Variants in PCDHGB4 observed in about 807,000 individuals in gnomAD.
The protein encoded by PCDHGB4 is protocadherin gamma subfamily B, 4.
In PCDHGB4, 38 loss-of-function variants were observed where a neutral mutation model predicts 60.5. The observed-to-expected ratio is 0.63, with a 90% CI of 0.48 to 0.82. PCDHGB4 has a LOEUF of 0.82. Ranked by LOEUF, PCDHGB4 falls within the 40% of genes least tolerant of loss-of-function variation. The pLI is 0.00. For missense variants in PCDHGB4, 1,109 were observed against 1,209.6 expected (o/e 0.92, Z 1.23); for synonymous variants, 456 against 509.7 (o/e 0.89, Z 1.42).
intron 1 of PCDHGB4, among the ~76,000 whole-genome samples, chr5:141,482,944 G>A (rs1362136222): frequency 6.6e-6 from 1 of 152,094 alleles, no homozygotes; most frequent in Non-Finnish European, 1.5e-5. Context: ...GTGGTTGTGG[G>A]TGCCTGTAAT....
At chr5:141,419,901 C>A (rs2096446114) in intron 1 of PCDHGB4, 5 of 1,614,108 alleles carry the variant, frequency 3.1e-6, no homozygotes, top group Non-Finnish European at 4.2e-6. Flanking sequence ...CATCCCACAC[C>A]CTCTGACTCC....
At chr5:141,433,045 C>T (rs1183696623) in intron 1 of PCDHGB4, 1 of 1,614,196 alleles carries the variant, frequency 6.2e-7, no homozygotes, top group South Asian at 1.1e-5. Flanking sequence ...TCACCACGGA[C>T]TCGCGGAAGA....
At chr5:141,395,032 T>C (rs1561652708) in intron 1 of PCDHGB4, 1 of 1,614,068 alleles carries the variant, frequency 6.2e-7, no homozygotes. Context: ...GCCTCACATT[T>C]TGTGGGTGTT....
intron 1 of PCDHGB4, among the ~76,000 whole-genome samples, chr5:141,397,772 A>G (rs1352118170): frequency 6.6e-6 from 1 of 152,238 alleles, no homozygotes; most frequent in Non-Finnish European, 1.5e-5. Context: ...TATTAAGTAT[A>G]TGGACGTAAA....
Position 141,418,795 on chromosome 5 carries a change from A to G in PCDHGB4, c.2397+28514A>G, listed in dbSNP as rs373690093. The G allele has an allele frequency of 6.8e-6, 11 of 1,613,740 alleles. No homozygotes were observed. The African/African-American group carries it at 1.5e-4, about 22-fold the overall frequency. On this transcript the variant is annotated intron_variant, in intron 1 of 3. Transcript: ENST00000519479. Reference sequence around the variant, plus strand: ...AGCAGCCTTTGGATTTTGAAGAAGTAGAAAGATATACGATAAACATAGAAG... The same window carrying G: ...AGCAGCCTTTGGATTTTGAAGAAGTGGAAAGATATACGATAAACATAGAAG...
At chr5:141,394,875 A>G in intron 1 of PCDHGB4, 3 of 1,613,722 alleles carry the variant, frequency 1.9e-6, no homozygotes, top group Non-Finnish European at 8.5e-7. Flanking sequence ...GAACGATTCG[A>G]GCCTTACACT....
intron 1 of PCDHGB4, among the ~76,000 whole-genome samples, chr5:141,447,450 C>G (rs540357899): frequency 1.3e-5 from 2 of 152,082 alleles, no homozygotes; most frequent in African/African-American, 2.4e-5. Context: ...AATTTTTAAC[C>G]TCAGTTTTTC....
intron 1 of PCDHGB4, chr5:141,478,167 G>A: frequency 6.2e-7 from 1 of 1,613,772 alleles, no homozygotes; most frequent in Non-Finnish European, 8.5e-7. Context: ...TCTGCCCCCC[G>A]GGAGCAGAAA....
intron 1 of PCDHGB4, among the ~76,000 whole-genome samples, chr5:141,406,607 C>T (rs1289606470): frequency 6.6e-6 from 1 of 152,202 alleles, no homozygotes; most frequent in Non-Finnish European, 1.5e-5. Flanking sequence ...AAAGTTGTCA[C>T]ATCTTTTATT....
Position 141,432,479 on chromosome 5 carries a change from G to A in PCDHGB4, c.2397+42198G>A, listed in dbSNP as rs771261875. ...CGCCCTCCCCACGGACGGTTCCACT[G>A]GCGTGGAGCTGGCTCCCCGCTCCGC... On this transcript the variant is annotated intron_variant, in intron 1 of 3. Transcript: ENST00000519479. The surrounding 1 kb of genome is among the most constrained non-coding windows in gnomAD (Gnocchi z 6.0). The A allele has an allele frequency of 3.8e-5, 62 of 1,614,076 alleles. No individual in the cohort carries two copies. Among genetic ancestry groups the A allele is most frequent in the Non-Finnish European group, 4.9e-5 (58 of 1,180,052 alleles).
chr5:141,399,699 C>A lies in PCDHGB4; in HGVS notation c.2397+9418C>A, dbSNP rs555724833. ...TTGACTACGAGCAGCTGCGCACCTT[C>A]GAACTCACACTACAGGCCCGCGACC... On this transcript the variant is annotated intron_variant, in intron 1 of 3. Coordinates refer to ENST00000519479, the MANE Select transcript of PCDHGB4 (RefSeq NM_003736.4). The A allele has an allele frequency of 1.9e-6, 3 of 1,613,476 alleles. No homozygotes were observed. In the East Asian group the frequency reaches 6.7e-5, roughly 36 times the overall value.
chr5:141,495,032 G>T, intron 2 of PCDHGB4, 167 bp downstream of exon 2: 1 of 967,732 alleles, frequency 1.0e-6, no homozygotes, highest in Non-Finnish European at 1.2e-6. Flanking sequence ...GACCCCGGAA[G>T]GAAGAGGCGA....
chr5:141,509,516 T>C (rs2099877144), intron 3 of PCDHGB4, among the ~76,000 whole-genome samples: 1 of 152,130 alleles, frequency 6.6e-6, no homozygotes, highest in Non-Finnish European at 1.5e-5. Context: ...GTGTTGATGA[T>C]GTATTGCACA....
chr5:141,503,372 G>A (rs1275544964), intron 2 of PCDHGB4, among the ~76,000 whole-genome samples: 1 of 151,968 alleles, frequency 6.6e-6, no homozygotes, highest in Non-Finnish European at 1.5e-5. Context: ...GGAGGCAGGT[G>A]GATCATGAGG....
At chr5:141,413,102 G>A in intron 1 of PCDHGB4, 1 of 1,480,778 alleles carries the variant, frequency 6.8e-7, no homozygotes, top group Non-Finnish European at 9.1e-7. Context: ...TGAAGCCACA[G>A]AAAGACAAAG....
intron 1 of PCDHGB4, chr5:141,479,209 A>T (rs1314929824): frequency 6.6e-6 from 1 of 152,432 alleles, no homozygotes; most frequent in African/African-American, 2.4e-5. Context: ...AAAAGTATTT[A>T]AAAAATTAAA....
intron 1 of PCDHGB4, chr5:141,394,137 G>A (rs1406338034): frequency 6.2e-6 from 10 of 1,613,902 alleles, no homozygotes; most frequent in East Asian, 2.2e-5. Context: ...CGCTCTGCAC[G>A]TGGCAGACAT....
At position 141,477,795 on chromosome 5, in the gene PCDHGB4, G is replaced by T. The variant is rs778851755; in HGVS notation, c.2398-17012G>T. The T allele has an allele frequency of 1.2e-5, 19 of 1,613,946 alleles. 1 individual carries two copies. In the South Asian group the frequency reaches 1.6e-4, roughly 14 times the overall value. On this transcript the variant is annotated intron_variant, in intron 1 of 3. Transcript: ENST00000519479. The surrounding 1 kb of genome is among the most constrained non-coding windows in gnomAD (Gnocchi z 4.9). ...AGCGTGAACATATTTGTCACTGATC[G>T]CAATGACAATGCCCCCCAGGTCCTA...
intron 1 of PCDHGB4, chr5:141,420,411 T>C: frequency 8.1e-7 from 1 of 1,229,398 alleles, no homozygotes; most frequent in Non-Finnish European, 1.1e-6. Context: ...ATGGTTATCA[T>C]TATTAAAACA....
Sources: gnomAD v4.1 joint callset for allele counts (sites outside exome capture counted in the v4.1 genomes callset) on GRCh38, gnomAD v4.1.1 for gene constraint, Gnocchi (gnomAD v3.1) non-coding constraint, MANE v1.5 for transcripts, NCBI Gene and HGNC (gene_info 2026-07-23, HGNC 2026-07-21) for gene names.